POLH: variants seen among roughly 807,000 people sequenced by gnomAD.
POLH encodes the protein DNA polymerase eta transcript.
In POLH, 53 loss-of-function variants were observed where a neutral mutation model predicts 73.6. The observed-to-expected ratio is 0.72, with a 90% CI of 0.58 to 0.91. The LOEUF is 0.91. POLH is among the 40% of genes least tolerant of loss of function. POLH has a pLI of 0.00. For missense variants in POLH, 768 were observed against 865.4 expected (o/e 0.89, Z 1.41); for synonymous variants, 292 against 308.5 (o/e 0.95, Z 0.56).
In POLH at chr6:43,617,334, T is replaced by C. The variant is rs1434796440; in HGVS notation, c.*2777T>C. Among the ~76,000 whole-genome samples the C allele has an allele frequency of 6.6e-6, 1 of 152,070 alleles. No individual in the cohort carries two copies. Among genetic ancestry groups the C allele is most frequent in the East Asian group, 1.9e-4 (1 of 5,166 alleles). Reference sequence around the variant, plus strand: ...AATTGTAATCTGATATTAACAAGATTTCCCAATGTGGGTCAGGTGTGGTGG... The same window carrying C: ...AATTGTAATCTGATATTAACAAGATCTCCCAATGTGGGTCAGGTGTGGTGG... On this transcript the variant is annotated 3_prime_UTR_variant, in exon 11 of 11. Transcript: ENST00000372236.
chr6:43,613,583 A>G, intron 10 of POLH, 77 bp from the exon 11 acceptor site: 1 of 1,171,054 alleles, frequency 8.5e-7, no homozygotes, highest in Non-Finnish European at 1.3e-6. Flanking sequence ...AACAGATACA[A>G]TTCATGGAAT....
At chr6:43,601,430 T>C (rs914160023) in intron 6 of POLH, among the ~76,000 whole-genome samples, 2 of 152,114 alleles carry the variant, frequency 1.3e-5, no homozygotes, top group African/African-American at 4.8e-5. Context: ...CACGCCTGGC[T>C]AATTTTTGTA....
intron 4 of POLH, among the ~76,000 whole-genome samples, chr6:43,597,164 G>A (rs1366063634): frequency 6.6e-6 from 1 of 152,028 alleles, no homozygotes. Flanking sequence ...CGCCCAGGCT[G>A]GAGTGCAGTG....
At position 43,616,322 on chromosome 6, in the gene POLH, G is replaced by A. The variant is rs906376875; in HGVS notation, c.*1765G>A. 4.0e-5 allele frequency among the ~76,000 whole-genome samples: 6 copies of A among 151,436 alleles called. No individual in the cohort carries two copies. The highest frequency in any genetic ancestry group is 1.5e-4 in the African/African-American group (6 of 41,200). ...AAAAACTTCTCTTTAGGCTGGGTGC[G>A]GTTCCTCATGCCTATAATCCCAGCA... On this transcript the variant is annotated 3_prime_UTR_variant, in exon 11 of 11. Transcript: ENST00000372236.
At chr6:43,611,566 T>C (rs1453228196) in intron 10 of POLH, among the ~76,000 whole-genome samples, 2 of 152,124 alleles carry the variant, frequency 1.3e-5, no homozygotes, top group Non-Finnish European at 2.9e-5. Context: ...ATAAAGCCCT[T>C]ACTTTTTTTA....
At chr6:43,583,726 T>C (rs1469112521) in intron 3 of POLH, among the ~76,000 whole-genome samples, 2 of 152,194 alleles carry the variant, frequency 1.3e-5, no homozygotes, top group Admixed American at 1.3e-4. Flanking sequence ...AGGCACAGTG[T>C]TAAGCTCTCT....
At chr6:43,587,125 T>A (rs1764909605) in intron 3 of POLH, 147 bp from the exon 4 acceptor site, 3 of 735,670 alleles carry the variant, frequency 4.1e-6, no homozygotes, top group African/African-American at 3.4e-5. Context: ...CGATTGACCC[T>A]TTCAGTTACT....
chr6:43,613,791 C>T lies in POLH; in HGVS notation c.1376C>T (p.Ser459Leu). 6.2e-7 allele frequency: 1 copy of T among 1,614,070 alleles called. No individual in the cohort carries two copies. The highest frequency in any genetic ancestry group is 8.5e-7 in the Non-Finnish European group (1 of 1,180,000). ...SSLPKVPVTS[S>L]EAKTQGSGPA... The stretch of plus-strand genomic sequence containing the variant: ...CTGCCAAAGGTGCCAGTTACCAGCT[C>T]AGAAGCTAAGACCCAGGGAAGTGGC... Residue 459 changes from serine (S) to leucine (L), a missense_variant, in exon 11 of 11, where the codon TCA (serine) becomes TTA (leucine). By Grantham distance (145) the Ser-to-Leu change is moderately radical (BLOSUM62 -2). Transcript: ENST00000372236.
At chr6:43,610,516 A>C in intron 9 of POLH, 38 bp from the exon 10 acceptor site, 2 of 1,586,016 alleles carry the variant, frequency 1.3e-6, no homozygotes, top group Non-Finnish European at 1.7e-6. Context: ...GATGCTCCTC[A>C]TAACTTTATT....
At chr6:43,607,261 A>G (rs1767407754) in intron 9 of POLH, among the ~76,000 whole-genome samples, 1 of 152,022 alleles carries the variant, frequency 6.6e-6, no homozygotes, top group African/African-American at 2.4e-5. Flanking sequence ...CGCCCAGCTA[A>G]TTTTTGTATT....
Position 43,592,407 on chromosome 6 carries a change from T to C in POLH, c.490+4918T>C, listed in dbSNP as rs559214697. 5.7e-4 allele frequency among the ~76,000 whole-genome samples: 84 copies of C among 147,840 alleles called. 2 individuals carry two copies. In the South Asian group the frequency reaches 0.016, roughly 28 times the overall value. On this transcript the variant is annotated intron_variant, in intron 4 of 10. Transcript: ENST00000372236. ...TGCATTTGCAGCTTTGTATCTTCTT[T>C]TTTTTTTTTTTTTTTGGAGAGGGAG...
In POLH at chr6:43,618,355, CA is replaced by C. The variant is rs1311984231; in HGVS notation, c.*3799del. ...ATTTTTAGTAGAGACAGGTTTTCAC[CA>C]TGTTGGCCAGGCTGGTCTCTATCTA... On this transcript the variant is annotated 3_prime_UTR_variant, in exon 11 of 11. Transcript: ENST00000372236. Among the ~76,000 whole-genome samples the C allele has an allele frequency of 6.6e-6, 1 of 152,040 alleles. No individual in the cohort carries two copies. Among genetic ancestry groups the C allele is most frequent in the Non-Finnish European group, 1.5e-5 (1 of 67,998 alleles).
intron 1 of POLH, chr6:43,578,524 CAAAAAA>C: frequency 4.0e-6 from 1 of 249,102 alleles, no homozygotes; most frequent in South Asian, 3.5e-5. Context: ...GACTTTGTCT[CAAAAAA>C]AAAAAAGTGT....
chr6:43,619,667 C>T lies in POLH; in HGVS notation c.*5110C>T, dbSNP rs537144334. Among the ~76,000 whole-genome samples, 2 of 152,264 alleles carry T rather than the reference C, an allele frequency of 1.3e-5. No individual in the cohort carries two copies. Among genetic ancestry groups the T allele is most frequent in the East Asian group, 3.9e-4 (2 of 5,184 alleles). ...GTTCCTGGAGATGTCTTATTAAGTA[C>T]TGAAATGTGATTTTCCAAAATTTTC... On this transcript the variant is annotated 3_prime_UTR_variant, in exon 11 of 11. Transcript: ENST00000372236.
chr6:43,601,331 T>C (rs1420376390), intron 6 of POLH, among the ~76,000 whole-genome samples: 1 of 152,122 alleles, frequency 6.6e-6, no homozygotes, highest in Non-Finnish European at 1.5e-5. Flanking sequence ...AATGGCACGG[T>C]GTCAGCTCCC....
rs1209892198 is a variant in POLH, at chr6:43,618,898, T to TG, written c.*4344dup. ...CACCCGCCCTGGCCTCCCAAAGTGC[T>TG]GGGATTACAGGCCTGAGCCACCAGG... is the stretch of plus-strand genomic sequence containing the variant. On this transcript the variant is annotated 3_prime_UTR_variant, in exon 11 of 11. Transcript: ENST00000372236. Among the ~76,000 whole-genome samples, 1 of 150,922 alleles carries TG rather than the reference T, an allele frequency of 6.6e-6. No individual in the cohort carries two copies. Among genetic ancestry groups the TG allele is most frequent in the East Asian group, 2.0e-4 (1 of 5,128 alleles).
At position 43,603,822 on chromosome 6, in the gene POLH, T is replaced by C. The variant is rs73733596; in HGVS notation, c.765-70T>C. On this transcript the variant is annotated intron_variant, in intron 6 of 10. Transcript: ENST00000372236. ...TTGGAGAGCTGTTTACAAAGTAGAA[T>C]GTCTTACGTTTGCTGCTAATTAGAT... 430 of 1,503,430 alleles carry C rather than the reference T, an allele frequency of 2.9e-4. No homozygotes were observed. The African/African-American group carries it at 5.3e-3, about 18-fold the overall frequency. The allele number at this position is 1,503,430 out of a possible 1,614,324, so 93.1% of individuals were successfully genotyped here.
chr6:43,609,885 T>C (rs1394316174), intron 9 of POLH, among the ~76,000 whole-genome samples: 1 of 152,136 alleles, frequency 6.6e-6, no homozygotes, highest in African/African-American at 2.4e-5. Context: ...ATTTGTGCTG[T>C]CCTGTTCCCA....
At chr6:43,586,245 G>A (rs1257084182) in intron 3 of POLH, among the ~76,000 whole-genome samples, 1 of 152,024 alleles carries the variant, frequency 6.6e-6, no homozygotes, top group Non-Finnish European at 1.5e-5. Context: ...TGGGGAGGCC[G>A]AGGTGGGTGG....
Sources: gnomAD v4.1 joint callset for allele counts (sites outside exome capture counted in the v4.1 genomes callset) on GRCh38, gnomAD v4.1.1 for gene constraint, MANE v1.5 for transcripts, NCBI Gene and HGNC (gene_info 2026-07-23, HGNC 2026-07-21) for gene names.